Variants in CIMAP1C observed in about 807,000 individuals in gnomAD.
CIMAP1C encodes ciliary microtubule associated protein 1C, also known as outer dense fiber of sperm tails 3 like 1.
At chr15:75,726,113 T>C in the CIMAP1C span, 3 of 1,613,370 alleles carry the variant, frequency 1.9e-6, no homozygotes, top group Non-Finnish European at 2.5e-6. Context: ...CCAAAATAAC[T>C]CGGTTTGGAA....
chr15:75,724,347 C>A, the CIMAP1C span: 1 of 1,469,100 alleles, frequency 6.8e-7, no homozygotes, highest in African/African-American at 1.4e-5. Context: ...TGGGCTTGGG[C>A]CCCCTCCCCT....
the CIMAP1C span, chr15:75,726,981 A>C: frequency 6.5e-7 from 1 of 1,538,988 alleles, no homozygotes; most frequent in African/African-American, 1.4e-5. Flanking sequence ...GTGGATAACC[A>C]GGACCATCAG....
At chr15:75,727,415 C>T in the CIMAP1C span, 135 of 1,613,856 alleles carry the variant, frequency 8.4e-5, no homozygotes, top group South Asian at 2.2e-5. Context: ...CCTCACGCCA[C>T]GGCCTGGCCC....
chr15:75,725,029 C>T, the CIMAP1C span: 10 of 893,846 alleles, frequency 1.1e-5, no homozygotes, highest in Non-Finnish European at 1.9e-5. Flanking sequence ...CCAATGTTCC[C>T]ATGGTGCGCT....
chr15:75,727,098 A>G, the CIMAP1C span: 1 of 1,613,682 alleles, frequency 6.2e-7, no homozygotes, highest in East Asian at 2.2e-5. Context: ...TACTACTTTG[A>G]GAAGATCCAC....
the CIMAP1C span, chr15:75,726,939 C>A: frequency 4.5e-6 from 6 of 1,321,546 alleles, no homozygotes; most frequent in East Asian, 1.2e-4. Context: ...ATGTCCCTGC[C>A]CTGCTGCTGA....
At chr15:75,726,064 T>G in the CIMAP1C span, 11 of 1,611,786 alleles carry the variant, frequency 6.8e-6, no homozygotes, top group South Asian at 8.8e-5. Context: ...GCAGGGATGG[T>G]GTGCCACAGC....
chr15:75,725,022 A>G, the CIMAP1C span: 6 of 844,476 alleles, frequency 7.1e-6, no homozygotes, highest in Admixed American at 1.9e-5. Context: ...AATACCCCCA[A>G]TGTTCCCATG....
the CIMAP1C span, among the ~76,000 whole-genome samples, chr15:75,724,845 T>C: frequency 6.6e-6 from 1 of 152,248 alleles, no homozygotes; most frequent in Non-Finnish European, 1.5e-5. Context: ...GGATGCCTAG[T>C]GGAGAACCTG....
chr15:75,724,985 C>T, the CIMAP1C span: 4 of 642,966 alleles, frequency 6.2e-6, no homozygotes, highest in South Asian at 3.7e-5. Context: ...ATGCTGGGCT[C>T]GTGGCAGTGC....
chr15:75,725,178 G>T, the CIMAP1C span: 1 of 1,614,084 alleles, frequency 6.2e-7, no homozygotes, highest in South Asian at 1.1e-5. Flanking sequence ...CCATGTTCAA[G>T]GCACCAGCTT....
At chr15:75,725,640 C>T in the CIMAP1C span, among the ~76,000 whole-genome samples, 6 of 152,216 alleles carry the variant, frequency 3.9e-5, no homozygotes, top group African/African-American at 1.4e-4. Context: ...ATGACCTATG[C>T]TGCTGGGCAG....
At chr15:75,727,385 C>A in the CIMAP1C span, 1 of 1,614,070 alleles carries the variant, frequency 6.2e-7, no homozygotes, top group Non-Finnish European at 8.5e-7. Context: ...CATGGCCAAG[C>A]GCTTCGCCTA....
the CIMAP1C span, chr15:75,725,176 A>T: frequency 6.2e-7 from 1 of 1,613,936 alleles, no homozygotes; most frequent in African/African-American, 1.3e-5. Context: ...CTCCATGTTC[A>T]AGGCACCAGC....
chr15:75,727,522 C>A, the CIMAP1C span: 1 of 1,587,826 alleles, frequency 6.3e-7, no homozygotes, highest in South Asian at 1.1e-5. Context: ...GCCCACTGGT[C>A]ATCGACATTC....
At chr15:75,727,324 G>A in the CIMAP1C span, 22 of 1,613,988 alleles carry the variant, frequency 1.4e-5, no homozygotes, top group African/African-American at 5.3e-5. Context: ...GACCTACCAC[G>A]TACGCCCGAC....
chr15:75,727,688 A>G, the CIMAP1C span: 1 of 862,892 alleles, frequency 1.2e-6, no homozygotes, highest in African/African-American at 1.7e-5. Flanking sequence ...ATTTTCATGT[A>G]TTTGTTTTTT....
the CIMAP1C span, chr15:75,727,173 A>G: frequency 6.2e-7 from 1 of 1,614,032 alleles, no homozygotes; most frequent in Non-Finnish European, 8.5e-7. Context: ...AGAGTGATGG[A>G]CCTCAACCCG....
the CIMAP1C span, chr15:75,727,357 C>T: frequency 5.0e-6 from 8 of 1,614,036 alleles, no homozygotes; most frequent in African/African-American, 2.7e-5. Context: ...TCTATCAGAA[C>T]CGCAGCCCTA....
Sources: gnomAD v4.1 joint callset for allele counts (sites outside exome capture counted in the v4.1 genomes callset) on GRCh38, gnomAD v4.1.1 for gene constraint, MANE v1.5 for transcripts, NCBI Gene and HGNC (gene_info 2026-07-23, HGNC 2026-07-21) for gene names.